The following AGAP1 variants were observed in gnomAD, a reference collection of about 807,000 sequenced individuals.
AGAP1 encodes the protein ArfGAP with GTPase domain, ankyrin repeat and PH domain 1.
AGAP1 carries 29 observed loss-of-function variants against 105.3 expected under a neutral mutation model. The ratio of observed to expected loss-of-function variants is 0.28; its 90% CI spans 0.21 to 0.38. The LOEUF is 0.38. Ranked by LOEUF, AGAP1 falls within the 10% of genes least tolerant of loss-of-function variation. AGAP1 has a pLI of 1.00. For synonymous variants in AGAP1, 509 were observed against 485.9 expected (o/e 1.05, Z -0.63); for missense variants, 998 against 1,165.1 (o/e 0.86, Z 2.09).
rs182868823 is a variant in AGAP1, at chr2:236,083,027, C to T, written c.2114+33746C>T. On this transcript the variant is annotated intron_variant, in intron 16 of 17. Transcript: ENST00000304032. This position sits in a 1 kb window ranked among gnomAD's most constrained non-coding sequence, Gnocchi z 5.3. ...AAAATTAGGCAGGCGTGGTGGTGCACGCCTGTAATCCCAGCTACTTAGGAG... is the reference window on the plus strand; with the variant it reads ...AAAATTAGGCAGGCGTGGTGGTGCATGCCTGTAATCCCAGCTACTTAGGAG... 8.6e-5 allele frequency among the ~76,000 whole-genome samples: 13 copies of T among 152,040 alleles called. No individual in the cohort carries two copies. In the South Asian group the frequency reaches 1.7e-3, roughly 19 times the overall value.
At chr2:236,006,560 A>G (rs2056329514) in intron 13 of AGAP1, among the ~76,000 whole-genome samples, 2 of 152,312 alleles carry the variant, frequency 1.3e-5, no homozygotes, top group South Asian at 4.1e-4. Context: ...GGAAATAACT[A>G]AGTGTTTTAA....
intron 1 of AGAP1, among the ~76,000 whole-genome samples, chr2:235,536,631 A>G (rs868636541): frequency 0.048 from 1,065 of 22,076 alleles, 17 homozygotes; most frequent in African/African-American, 0.2. Context: ...CATCCTTCAC[A>G]CACACACACA....
intron 9 of AGAP1, among the ~76,000 whole-genome samples, chr2:235,827,845 T>C (rs960686386): frequency 2.6e-5 from 4 of 152,228 alleles, no homozygotes; most frequent in African/African-American, 9.6e-5. Flanking sequence ...CACTCTGGAA[T>C]GCTTTGCGCC....
intron 11 of AGAP1, among the ~76,000 whole-genome samples, chr2:235,909,596 C>G (rs964832796): frequency 6.6e-6 from 1 of 152,236 alleles, no homozygotes; most frequent in Non-Finnish European, 1.5e-5. Context: ...AGAAGATCCT[C>G]TTGAGCCCTC....
chr2:236,087,323 A>T lies in AGAP1; in HGVS notation c.2115-32869A>T, dbSNP rs1019500085. On this transcript the variant is annotated intron_variant, in intron 16 of 17. Transcript: ENST00000304032. This position sits in a 1 kb window ranked among gnomAD's most constrained non-coding sequence, Gnocchi z 5.7. The stretch of plus-strand genomic sequence containing the variant: ...AGCCAGAGCCCGGGGTGGGGGCGGG[A>T]GCGGGGGCTAGCTGTGGGTGTTCAT... Among the ~76,000 whole-genome samples, 6 of 151,836 alleles carry T rather than the reference A, an allele frequency of 4.0e-5. No homozygotes were observed. The highest frequency in any genetic ancestry group is 1.5e-4 in the African/African-American group (6 of 41,288).
chr2:236,077,402 T>A (rs961219331), intron 16 of AGAP1, among the ~76,000 whole-genome samples: 4 of 149,538 alleles, frequency 2.7e-5, no homozygotes, highest in African/African-American at 7.4e-5. Context: ...CACTGCAACC[T>A]CCGCCTCCCA....
At chr2:235,675,653 ACTC>A (rs1948699122) in intron 1 of AGAP1, among the ~76,000 whole-genome samples, 1 of 152,056 alleles carries the variant, frequency 6.6e-6, no homozygotes, top group African/African-American at 2.4e-5. Flanking sequence ...AATTTAGGAA[ACTC>A]CTCATTATTT....
At position 235,550,955 on chromosome 2, in the gene AGAP1, G is replaced by T. The variant is rs1009894035; in HGVS notation, c.163+56106G>T. On this transcript the variant is annotated intron_variant, in intron 1 of 17. Coordinates refer to ENST00000304032, the MANE Select transcript of AGAP1 (RefSeq NM_001037131.3). This position sits in a 1 kb window ranked among gnomAD's most constrained non-coding sequence, Gnocchi z 4.6. ...ACACCCAGCTAATTTTTGTATTTTAGTAGAAATGGGGTTTCACCATGTTGG... is the reference window on the plus strand; with the variant it reads ...ACACCCAGCTAATTTTTGTATTTTATTAGAAATGGGGTTTCACCATGTTGG... 7.2e-5 allele frequency among the ~76,000 whole-genome samples: 11 copies of T among 152,024 alleles called. No homozygotes were observed. Among genetic ancestry groups the T allele is most frequent in the African/African-American group, 2.4e-4 (10 of 41,388 alleles).
At chr2:235,667,641 G>T (rs542494820) in intron 1 of AGAP1, among the ~76,000 whole-genome samples, 1 of 152,236 alleles carries the variant, frequency 6.6e-6, no homozygotes, top group African/African-American at 2.4e-5. Context: ...TACTCTAGAA[G>T]TTGGGGGTTC....
intron 6 of AGAP1, among the ~76,000 whole-genome samples, chr2:235,768,792 G>T (rs971043909): frequency 6.6e-6 from 1 of 152,210 alleles, no homozygotes; most frequent in Admixed American, 6.5e-5. Context: ...CACTGTTAGC[G>T]GTTGACAGTG....
Position 235,788,881 on chromosome 2 carries a change from T to G in AGAP1, c.674-8878T>G, listed in dbSNP as rs1956807158. Among the ~76,000 whole-genome samples the G allele has an allele frequency of 6.6e-6, 1 of 152,178 alleles. No homozygotes were observed. The highest frequency in any genetic ancestry group is 1.9e-4 in the East Asian group (1 of 5,184). On this transcript the variant is annotated intron_variant, in intron 6 of 17. Transcript: ENST00000304032. This position sits in a 1 kb window ranked among gnomAD's most constrained non-coding sequence, Gnocchi z 6.0. ...CTCAGTGGGGTGAACGTTTGCATGT[T>G]GGTGCTTCTGAACACAGGATCCCTG...
At chr2:235,755,860 GTC>G (rs1953883604) in intron 6 of AGAP1, among the ~76,000 whole-genome samples, 1 of 152,208 alleles carries the variant, frequency 6.6e-6, no homozygotes, top group Non-Finnish European at 1.5e-5. Context: ...CTGTAGTCAG[GTC>G]TCCGGAAGGT....
In AGAP1 at chr2:235,866,297, G is replaced by A. The variant is rs969136207; in HGVS notation, c.1051-17048G>A. Among the ~76,000 whole-genome samples, 6 of 152,150 alleles carry A rather than the reference G, an allele frequency of 3.9e-5. No homozygotes were observed. The South Asian group carries it at 8.3e-4, about 21-fold the overall frequency. ...ATGTGGGAATCTGGGAGCCCGAGCC[G>A]ACTCAGACAGTCCTGACTCCCCAGA... On this transcript the variant is annotated intron_variant, in intron 9 of 17. Coordinates refer to ENST00000304032, the MANE Select transcript of AGAP1 (RefSeq NM_001037131.3). The surrounding 1 kb of genome is among the most constrained non-coding windows in gnomAD (Gnocchi z 6.1).
At chr2:235,530,868 A>G (rs1943020945) in intron 1 of AGAP1, among the ~76,000 whole-genome samples, 1 of 152,250 alleles carries the variant, frequency 6.6e-6, no homozygotes, top group Middle Eastern at 3.4e-3. Flanking sequence ...TGCCCACCTC[A>G]GTGTCCTTCC....
Position 235,787,943 on chromosome 2 carries a change from G to A in AGAP1, c.674-9816G>A, listed in dbSNP as rs1345351523. On this transcript the variant is annotated intron_variant, in intron 6 of 17. Transcript: ENST00000304032. The surrounding 1 kb of genome is among the most constrained non-coding windows in gnomAD (Gnocchi z 4.4). ...GCATTCCGGGACCAAGAGCAAGCAA[G>A]GCCAAGAGCATTGTAAGACCAAGAG... 6.6e-6 allele frequency among the ~76,000 whole-genome samples: 1 copy of A among 152,128 alleles called. No individual in the cohort carries two copies. The highest frequency in any genetic ancestry group is 1.9e-4 in the East Asian group (1 of 5,184).
At position 235,725,930 on chromosome 2, in the gene AGAP1, T is replaced by G. The variant is rs1951622381; in HGVS notation, c.310+8286T>G. On this transcript the variant is annotated intron_variant, in intron 3 of 17. Coordinates refer to ENST00000304032, the MANE Select transcript of AGAP1 (RefSeq NM_001037131.3). The surrounding 1 kb of genome is among the most constrained non-coding windows in gnomAD (Gnocchi z 5.7). ...AAAAAATAATAAAAGGGAAGCATGT[T>G]CTGTTTCATTTTGAGCAAGAAAAAA... Among the ~76,000 whole-genome samples the G allele has an allele frequency of 6.6e-6, 1 of 152,224 alleles. No individual in the cohort carries two copies. Among genetic ancestry groups the G allele is most frequent in the South Asian group, 2.1e-4 (1 of 4,832 alleles).
At position 235,973,081 on chromosome 2, in the gene AGAP1, A is replaced by T. The variant is rs1228317772; in HGVS notation, c.1645+4458A>T. 6.6e-6 allele frequency among the ~76,000 whole-genome samples: 1 copy of T among 152,190 alleles called. No individual in the cohort carries two copies. The highest frequency in any genetic ancestry group is 1.5e-5 in the Non-Finnish European group (1 of 68,022). ...AAAGTAAAGGCTAATAGTAGGAATC[A>T]TCAGTACCTGCTGCTGCAAACCCAG... On this transcript the variant is annotated intron_variant, in intron 13 of 17. Coordinates refer to ENST00000304032, the MANE Select transcript of AGAP1 (RefSeq NM_001037131.3). The surrounding 1 kb of genome is among the most constrained non-coding windows in gnomAD (Gnocchi z 4.7).
intron 6 of AGAP1, among the ~76,000 whole-genome samples, chr2:235,767,141 C>T (rs1955027230): frequency 6.6e-6 from 1 of 152,098 alleles, no homozygotes; most frequent in South Asian, 2.1e-4. Flanking sequence ...AAACTCCTGA[C>T]CTCAGGTGAT....
At chr2:235,607,980 G>A (rs181866314) in intron 1 of AGAP1, among the ~76,000 whole-genome samples, 2 of 152,342 alleles carry the variant, frequency 1.3e-5, no homozygotes, top group African/African-American at 4.8e-5. Context: ...TGACTTGGAA[G>A]TGCCTCAAGT....
Sources: allele counts gnomAD v4.1 joint callset (sites outside exome capture counted in the v4.1 genomes callset), GRCh38; gene constraint gnomAD v4.1.1; non-coding constraint Gnocchi (gnomAD v3.1); transcripts MANE v1.5; gene names NCBI Gene and HGNC (gene_info 2026-07-23, HGNC 2026-07-21).